Variants in ADARB2 observed in about 807,000 individuals in gnomAD.
ADARB2 encodes adenosine deaminase RNA specific B2 (inactive).
In ADARB2, 25 loss-of-function variants were observed where a neutral mutation model predicts 62.2. The observed-to-expected ratio is 0.40, with a 90% CI of 0.29 to 0.56. The LOEUF is 0.56. Among genes scored for constraint, ADARB2 ranks in the 20% least tolerant of loss-of-function variants. The probability of loss-of-function intolerance (pLI) is 0.43; values close to 1 mark genes in which losing one functional copy is unlikely to be tolerated. For missense variants in ADARB2, 1,071 were observed against 1,077.4 expected, an observed-to-expected ratio of 0.99 and a Z score of 0.08; for synonymous variants, 572 against 500.8, an observed-to-expected ratio of 1.14 and a Z score of -1.90.
chr10:1,411,776 G>A (rs188839802), intron 1 of ADARB2, among the ~76,000 whole-genome samples: 57 of 152,288 alleles, frequency 3.7e-4, no homozygotes, highest in Non-Finnish European at 5.0e-4. Flanking sequence ...GGTCGTAGAC[G>A]CAAGTGCCTG....
intron 1 of ADARB2, among the ~76,000 whole-genome samples, chr10:1,462,699 CTGTG>C (rs780092455): frequency 4.0e-5 from 6 of 148,516 alleles, no homozygotes; most frequent in East Asian, 2.0e-4. Flanking sequence ...GTGTGTGTGC[CTGTG>C]TGTATGTGCA....
intron 1 of ADARB2, among the ~76,000 whole-genome samples, chr10:1,431,624 A>G (rs1236458940): frequency 6.6e-6 from 1 of 152,192 alleles, no homozygotes; most frequent in Admixed American, 6.5e-5. Flanking sequence ...GAAGAAATCA[A>G]TCAAATTGAA....
intron 1 of ADARB2, among the ~76,000 whole-genome samples, chr10:1,643,557 G>A (rs1458712477): frequency 1.3e-5 from 2 of 152,162 alleles, no homozygotes; most frequent in African/African-American, 4.8e-5. Context: ...TCACCAGTAT[G>A]GGGAAGTGAG....
chr10:1,199,642 T>G, intron 8 of ADARB2: 1 of 247,172 alleles, frequency 4.0e-6, no homozygotes, highest in East Asian at 6.5e-5. Context: ...GGTGGGCAGG[T>G]GGGCGGCCAG....
intron 1 of ADARB2, among the ~76,000 whole-genome samples, chr10:1,535,845 A>G (rs115025775): frequency 6.6e-6 from 1 of 152,068 alleles, no homozygotes; most frequent in Non-Finnish European, 1.5e-5. Context: ...AGTCCATAGA[A>G]GTTCAGAGTT....
chr10:1,302,494 AG>A (rs1213692541), intron 3 of ADARB2, among the ~76,000 whole-genome samples: 2 of 152,228 alleles, frequency 1.3e-5, no homozygotes, highest in Non-Finnish European at 2.9e-5. Flanking sequence ...TAAACAAAGC[AG>A]CCGGGAAGCT....
intron 1 of ADARB2, among the ~76,000 whole-genome samples, chr10:1,550,621 C>T (rs753268543): frequency 2.0e-5 from 3 of 152,154 alleles, no homozygotes; most frequent in Non-Finnish European, 4.4e-5. Context: ...CCACACAGAC[C>T]GACACTGGAG....
intron 1 of ADARB2, among the ~76,000 whole-genome samples, chr10:1,578,650 C>T (rs1588309863): frequency 8.5e-6 from 1 of 118,316 alleles, no homozygotes. Context: ...CACTGTGTAC[C>T]ATGTTACCCC....
chr10:1,499,889 C>T (rs1831743064), intron 1 of ADARB2, among the ~76,000 whole-genome samples: 1 of 152,158 alleles, frequency 6.6e-6, no homozygotes, highest in South Asian at 2.1e-4. Context: ...ACTCACTTAT[C>T]TCTCATCACT....
At chr10:1,233,586 C>G (rs1252327519) in intron 6 of ADARB2, 108 bp downstream of exon 6, 1 of 1,205,318 alleles carries the variant, frequency 8.3e-7, no homozygotes, top group Non-Finnish European at 1.1e-6. Context: ...TACCCAAGGG[C>G]CCCACACACC....
intron 1 of ADARB2, among the ~76,000 whole-genome samples, chr10:1,686,109 G>A (rs1050388805): frequency 6.6e-6 from 1 of 152,202 alleles, no homozygotes; most frequent in Non-Finnish European, 1.5e-5. Flanking sequence ...GGGCTATTAG[G>A]CTTTTCACCT....
intron 1 of ADARB2, among the ~76,000 whole-genome samples, chr10:1,412,531 C>G (rs931805072): frequency 1.3e-5 from 2 of 151,908 alleles, no homozygotes; most frequent in African/African-American, 4.8e-5. Context: ...TCAAAAAAGT[C>G]CAAAACAGCA....
intron 1 of ADARB2, among the ~76,000 whole-genome samples, chr10:1,721,775 C>T (rs964526093): frequency 6.6e-6 from 1 of 152,168 alleles, no homozygotes; most frequent in Non-Finnish European, 1.5e-5. Context: ...GTGCTTTCAT[C>T]TACCCTCAGC....
At chr10:1,715,342 A>C (rs1255676999) in intron 1 of ADARB2, among the ~76,000 whole-genome samples, 2 of 152,176 alleles carry the variant, frequency 1.3e-5, no homozygotes, top group African/African-American at 4.8e-5. Context: ...CAATCCTGTG[A>C]AATTCTTTTT....
chr10:1,695,879 G>C (rs1564369922), intron 1 of ADARB2, among the ~76,000 whole-genome samples: 1 of 152,046 alleles, frequency 6.6e-6, no homozygotes, highest in Non-Finnish European at 1.5e-5. Flanking sequence ...CATGCATGAG[G>C]ACACACACAT....
chr10:1,187,561 C>T (rs1429318308), intron 8 of ADARB2, among the ~76,000 whole-genome samples: 5 of 152,266 alleles, frequency 3.3e-5, no homozygotes, highest in East Asian at 1.9e-4. Flanking sequence ...GCCCTGGCTC[C>T]GGCCTGTGCC....
At chr10:1,201,655 A>C (rs916606234) in intron 7 of ADARB2, among the ~76,000 whole-genome samples, 2 of 150,106 alleles carry the variant, frequency 1.3e-5, no homozygotes, top group African/African-American at 2.5e-5. Context: ...GAGGACCTTC[A>C]TTCCACAGCA....
chr10:1,433,196 G>A (rs901876755), intron 1 of ADARB2, among the ~76,000 whole-genome samples: 1 of 152,156 alleles, frequency 6.6e-6, no homozygotes, highest in Non-Finnish European at 1.5e-5. Flanking sequence ...GAAAGAACAC[G>A]GTGGGATAGC....
At chr10:1,442,565 G>A (rs1324018915) in intron 1 of ADARB2, among the ~76,000 whole-genome samples, 1 of 152,154 alleles carries the variant, frequency 6.6e-6, no homozygotes, top group Non-Finnish European at 1.5e-5. Flanking sequence ...TAATGACAGT[G>A]TTATTCCAGG....
Sources: gnomAD v4.1 joint callset for allele counts (sites outside exome capture counted in the v4.1 genomes callset) on GRCh38, gnomAD v4.1.1 for gene constraint, MANE v1.5 for transcripts, NCBI Gene and HGNC (gene_info 2026-07-23, HGNC 2026-07-21) for gene names.